Variants in SLC24A2 observed in about 807,000 individuals in gnomAD.
SLC24A2 encodes sodium/potassium/calcium exchanger 2.
A neutral mutation model predicts 62.0 loss-of-function variants in SLC24A2; 36 were observed. That is an observed-to-expected ratio of 0.58 (90% CI 0.44 to 0.77). SLC24A2 has a LOEUF of 0.77. Among genes scored for constraint, SLC24A2 ranks in the 30% least tolerant of loss-of-function variants. SLC24A2 has a pLI of 0.00. For missense variants in SLC24A2, 846 were observed against 817.9 expected, an observed-to-expected ratio of 1.03 and a Z score of -0.42; for synonymous variants, 358 against 294.0, an observed-to-expected ratio of 1.22 and a Z score of -2.23.
intron 3 of SLC24A2, among the ~76,000 whole-genome samples, chr9:19,621,038 C>G (rs1367691321): frequency 6.6e-6 from 1 of 152,218 alleles, no homozygotes; most frequent in African/African-American, 2.4e-5. Context: ...TTTCAAACTA[C>G]ATCATTAGAC....
At chr9:20,289,149 G>A in the SLC24A2 span, among the ~76,000 whole-genome samples, 1 of 152,292 alleles carries the variant, frequency 6.6e-6, no homozygotes, top group South Asian at 2.1e-4. Flanking sequence ...GTCATCATTA[G>A]TTCAAATCAC....
At chr9:20,038,871 A>G in the SLC24A2 span, among the ~76,000 whole-genome samples, 19 of 152,238 alleles carry the variant, frequency 1.2e-4, no homozygotes, top group Non-Finnish European at 2.6e-4. Context: ...TAAGTCGAGA[A>G]AAGTCTTAGA....
the SLC24A2 span, among the ~76,000 whole-genome samples, chr9:20,192,440 T>C: frequency 6.6e-6 from 1 of 151,928 alleles, no homozygotes; most frequent in Non-Finnish European, 1.5e-5. Flanking sequence ...GGGAGAGAGG[T>C]GACTACAGTC....
At chr9:20,140,247 G>A in the SLC24A2 span, among the ~76,000 whole-genome samples, 1 of 152,128 alleles carries the variant, frequency 6.6e-6, no homozygotes, top group East Asian at 1.9e-4. Flanking sequence ...CCGAGTTTTT[G>A]TCTTTTGTGG....
chr9:19,553,805 G>A (rs955058580), intron 7 of SLC24A2, among the ~76,000 whole-genome samples: 1 of 152,206 alleles, frequency 6.6e-6, no homozygotes, highest in African/African-American at 2.4e-5. Context: ...AGGTGAGACA[G>A]AACAGAAGAT....
chr9:19,594,848 C>A (rs761404051), intron 5 of SLC24A2, among the ~76,000 whole-genome samples: 5 of 152,166 alleles, frequency 3.3e-5, no homozygotes, highest in Non-Finnish European at 7.3e-5. Flanking sequence ...TGGCTTCTAC[C>A]AGATCTGAGG....
chr9:20,256,921 T>TACAC, the SLC24A2 span, among the ~76,000 whole-genome samples: 4,092 of 119,952 alleles, frequency 0.034, 82 homozygotes, highest in African/African-American at 0.058. Context: ...CTCCAGCATG[T>TACAC]ACACACACAC....
At chr9:20,108,666 G>A in the SLC24A2 span, among the ~76,000 whole-genome samples, 8 of 150,980 alleles carry the variant, frequency 5.3e-5, no homozygotes, top group African/African-American at 1.9e-4. Context: ...CATGGACACA[G>A]GAAGGGGAAC....
the SLC24A2 span, among the ~76,000 whole-genome samples, chr9:20,244,612 G>C: frequency 6.6e-6 from 1 of 152,196 alleles, no homozygotes; most frequent in Admixed American, 6.5e-5. Context: ...AAGCTAAATG[G>C]AAGTTTGGTA....
At chr9:20,018,395 A>G in the SLC24A2 span, among the ~76,000 whole-genome samples, 4 of 152,186 alleles carry the variant, frequency 2.6e-5, no homozygotes, top group African/African-American at 9.7e-5. Context: ...ATGTGTGTAG[A>G]GGAATTGCCA....
chr9:20,216,588 A>G, the SLC24A2 span, among the ~76,000 whole-genome samples: 1 of 152,186 alleles, frequency 6.6e-6, no homozygotes, highest in Non-Finnish European at 1.5e-5. Context: ...GGTCTCAATC[A>G]TGGGTTCTGA....
chr9:19,616,287 C>T (rs940668235), intron 4 of SLC24A2, among the ~76,000 whole-genome samples: 11 of 152,062 alleles, frequency 7.2e-5, no homozygotes, highest in South Asian at 2.1e-4. Context: ...GTGTATTTAA[C>T]GCTTTGTGTA....
intron 2 of SLC24A2, among the ~76,000 whole-genome samples, chr9:19,628,635 C>T (rs718623): frequency 0.65 from 99,031 of 152,048 alleles, 33,116 homozygotes; most frequent in East Asian, 0.77. Flanking sequence ...ATTAGTCACA[C>T]GAATTTCCTT....
chr9:20,120,576 G>T, the SLC24A2 span, among the ~76,000 whole-genome samples: 1 of 152,068 alleles, frequency 6.6e-6, no homozygotes, highest in Non-Finnish European at 1.5e-5. Context: ...GAAGGGTGAG[G>T]ACTGAAAAAC....
At chr9:19,714,975 C>G (rs142939092) in intron 2 of SLC24A2, among the ~76,000 whole-genome samples, 4 of 151,914 alleles carry the variant, frequency 2.6e-5, no homozygotes, top group African/African-American at 9.7e-5. Flanking sequence ...CAAAGTAATC[C>G]AAGAATTTAT....
chr9:19,897,256 AG>A, the SLC24A2 span, among the ~76,000 whole-genome samples: 3 of 152,262 alleles, frequency 2.0e-5, no homozygotes, highest in Non-Finnish European at 4.4e-5. Flanking sequence ...CTTTGTAAAC[AG>A]TGACCCCATA....
At chr9:20,190,372 G>A in the SLC24A2 span, among the ~76,000 whole-genome samples, 1 of 152,146 alleles carries the variant, frequency 6.6e-6, no homozygotes, top group Admixed American at 6.5e-5. Context: ...TAATAAAGGT[G>A]AAACTTCAGA....
chr9:19,923,939 G>A, the SLC24A2 span, among the ~76,000 whole-genome samples: 1 of 152,078 alleles, frequency 6.6e-6, no homozygotes, highest in Non-Finnish European at 1.5e-5. Flanking sequence ...GTAGAGACAG[G>A]GTTTCACCAG....
chr9:20,154,457 T>G, the SLC24A2 span, among the ~76,000 whole-genome samples: 1 of 151,784 alleles, frequency 6.6e-6, no homozygotes, highest in African/African-American at 2.4e-5. Flanking sequence ...CGGTTTTCAC[T>G]AGATGCGAAA....
Sources: allele counts gnomAD v4.1 joint callset (sites outside exome capture counted in the v4.1 genomes callset), GRCh38; gene constraint gnomAD v4.1.1; transcripts MANE v1.5; gene names NCBI Gene and HGNC (gene_info 2026-07-23, HGNC 2026-07-21).